The following TMEM242 variants were observed in gnomAD, a reference collection of about 807,000 sequenced individuals.
TMEM242 encodes the protein UPF0463 transmembrane protein C6orf35.
A neutral mutation model predicts 18.2 loss-of-function variants in TMEM242; 10 were observed. The observed-to-expected ratio is 0.55, with a 90% CI of 0.34 to 0.93. TMEM242 has a LOEUF of 0.93. TMEM242 is among the 40% of genes least tolerant of loss of function. TMEM242 has a pLI of 0.02. For missense variants in TMEM242, 186 were observed against 175.5 expected (o/e 1.06, Z -0.34); for synonymous variants, 57 against 69.9 (o/e 0.81, Z 0.92).
At position 157,305,051 on chromosome 6, in the gene TMEM242, C is replaced by T. The variant is rs2128413665; in HGVS notation, c.328-12052G>A. Among the ~76,000 whole-genome samples, 1 of 152,266 alleles carries T rather than the reference C, an allele frequency of 6.6e-6. No individual in the cohort carries two copies. Among genetic ancestry groups the T allele is most frequent in the Middle Eastern group, 3.4e-3 (1 of 294 alleles). Reference sequence around the variant, plus strand: ...CATGTAAACCTTCTTCAACAGGAAGCCACTGAAGGGTTTTAAATAAGGAAG... The same window carrying T: ...CATGTAAACCTTCTTCAACAGGAAGTCACTGAAGGGTTTTAAATAAGGAAG... On this transcript the variant is annotated intron_variant, in intron 3 of 3. Transcript: ENST00000400788. This position sits in a 1 kb window ranked among gnomAD's most constrained non-coding sequence, Gnocchi z 4.1.
intron 3 of TMEM242, among the ~76,000 whole-genome samples, chr6:157,317,175 A>ACC (rs1778406997): frequency 6.6e-6 from 1 of 151,986 alleles, no homozygotes; most frequent in Admixed American, 6.6e-5. Context: ...TCCAGCTATG[A>ACC]CCCCATTTCC....
intron 3 of TMEM242, among the ~76,000 whole-genome samples, chr6:157,310,585 C>G (rs890927133): frequency 1.4e-5 from 2 of 142,282 alleles, no homozygotes; most frequent in African/African-American, 5.5e-5. Context: ...TGTGCGCTCA[C>G]CCGGCCTCAT....
At chr6:157,298,540 A>C (rs1777782054) in intron 3 of TMEM242, among the ~76,000 whole-genome samples, 1 of 152,160 alleles carries the variant, frequency 6.6e-6, no homozygotes. Flanking sequence ...TCCCCACTTC[A>C]TGTCTTTTTA....
chr6:157,312,983 C>T (rs74986558), intron 3 of TMEM242, among the ~76,000 whole-genome samples: 947 of 31,280 alleles, frequency 0.03, no homozygotes, highest in South Asian at 0.038. Context: ...TGTGCGCTCA[C>T]CTAGCCTCAT....
chr6:157,315,067 T>C (rs936163013), intron 3 of TMEM242, among the ~76,000 whole-genome samples: 12 of 152,352 alleles, frequency 7.9e-5, no homozygotes, highest in Non-Finnish European at 7.3e-5. Flanking sequence ...TGCATAGACT[T>C]GGACCATTTC....
At chr6:157,319,066 A>C (rs1486131675) in intron 2 of TMEM242, 147 bp from the exon 3 acceptor site, 1 of 765,706 alleles carries the variant, frequency 1.3e-6, no homozygotes, top group African/African-American at 1.8e-5. Context: ...TTTGCTACTT[A>C]ATAATTGCAT....
At chr6:157,302,848 C>A (rs587642416) in intron 3 of TMEM242, among the ~76,000 whole-genome samples, 11 of 152,296 alleles carry the variant, frequency 7.2e-5, no homozygotes, top group Admixed American at 2.0e-4. Context: ...TTCGGTTGTA[C>A]CACTTAGGAG....
At chr6:157,313,301 A>T (rs2128416613) in intron 3 of TMEM242, among the ~76,000 whole-genome samples, 2 of 152,274 alleles carry the variant, frequency 1.3e-5, no homozygotes, top group Admixed American at 1.3e-4. Flanking sequence ...CGGCATCATC[A>T]TAGTGTCCCA....
intron 3 of TMEM242, among the ~76,000 whole-genome samples, chr6:157,310,494 CAT>C: frequency 2.0e-5 from 3 of 151,396 alleles, no homozygotes; most frequent in Admixed American, 6.6e-5. Flanking sequence ...CTAGCCTCAT[CAT>C]AGTGTCCCAG....
At chr6:157,312,218 C>G (rs1778165113) in intron 3 of TMEM242, among the ~76,000 whole-genome samples, 1 of 149,068 alleles carries the variant, frequency 6.7e-6, no homozygotes, top group Non-Finnish European at 1.5e-5. Context: ...CTAGCGTCAT[C>G]ATAGTGCCCC....
At chr6:157,310,430 G>A (rs1047777603) in intron 3 of TMEM242, among the ~76,000 whole-genome samples, 1 of 147,352 alleles carries the variant, frequency 6.8e-6, no homozygotes, top group African/African-American at 2.5e-5. Flanking sequence ...CCTCATCATA[G>A]TGTCCCAGTG....
chr6:157,307,502 T>G (rs1409253253), intron 3 of TMEM242, among the ~76,000 whole-genome samples: 1 of 152,196 alleles, frequency 6.6e-6, no homozygotes, highest in East Asian at 1.9e-4. Flanking sequence ...TTTAAAAAAG[T>G]ACATTGGTCA....
chr6:157,310,568 G>GT (rs1777999547), intron 3 of TMEM242, among the ~76,000 whole-genome samples: 2 of 145,100 alleles, frequency 1.4e-5, no homozygotes, highest in African/African-American at 5.7e-5. Flanking sequence ...TCATCATAGT[G>GT]CCCCAGTGTG....
intron 3 of TMEM242, among the ~76,000 whole-genome samples, chr6:157,313,636 C>T (rs140462880): frequency 1.4e-4 from 19 of 131,132 alleles, no homozygotes; most frequent in African/African-American, 5.0e-4. Flanking sequence ...CACCTAGCCA[C>T]ATCACAGTGT....
intron 3 of TMEM242, among the ~76,000 whole-genome samples, chr6:157,293,661 T>G (rs191531126): frequency 5.7e-4 from 87 of 152,238 alleles, no homozygotes; most frequent in South Asian, 1.7e-3. Flanking sequence ...CAGTGGTTTT[T>G]TTTTTGTTTT....
chr6:157,297,899 GATAA>G (rs1777772041), intron 3 of TMEM242, among the ~76,000 whole-genome samples: 2 of 152,294 alleles, frequency 1.3e-5, no homozygotes, highest in South Asian at 4.1e-4. Flanking sequence ...CTATTATTTA[GATAA>G]ATGTCAGACA....
intron 3 of TMEM242, among the ~76,000 whole-genome samples, chr6:157,312,593 CCG>C (rs1778201689): frequency 0.11 from 258 of 2,394 alleles, no homozygotes; most frequent in Non-Finnish European, 0.16. Flanking sequence ...CATCATAGTG[CCG>C]CAGTGTGCAC....
chr6:157,299,959 G>A, intron 3 of TMEM242: 2 of 1,567,606 alleles, frequency 1.3e-6, no homozygotes, highest in Non-Finnish European at 1.8e-6. Flanking sequence ...TGTGATGAGC[G>A]GGCTCCTCGG....
At chr6:157,303,975 G>C (rs1244128544) in intron 3 of TMEM242, among the ~76,000 whole-genome samples, 1 of 152,018 alleles carries the variant, frequency 6.6e-6, no homozygotes. Context: ...AGCAATGCTG[G>C]GATCAACTTC....
Sources: gnomAD v4.1 joint callset for allele counts (sites outside exome capture counted in the v4.1 genomes callset) on GRCh38, gnomAD v4.1.1 for gene constraint, Gnocchi (gnomAD v3.1) non-coding constraint, MANE v1.5 for transcripts, NCBI Gene and HGNC (gene_info 2026-07-23, HGNC 2026-07-21) for gene names.